Variants in TP73 observed in about 807,000 individuals in gnomAD.
TP73 encodes tumor protein p73.
Under a neutral mutation model 62.5 loss-of-function variants are expected in TP73, and 25 were observed. That is an observed-to-expected ratio of 0.40 (90% CI 0.29 to 0.56). The LOEUF is 0.56. Among genes scored for constraint, TP73 ranks in the 20% least tolerant of loss-of-function variants. The pLI, the probability that TP73 is intolerant of heterozygous loss-of-function variation, is 0.46. For missense variants in TP73, 754 were observed against 913.3 expected (o/e 0.83, Z 2.25); for synonymous variants, 423 against 377.5 (o/e 1.12, Z -1.40).
At position 3,730,957 on chromosome 1, in the gene TP73, C is replaced by T. The variant is rs1431406542; in HGVS notation, c.1376C>T (p.Ala459Val). 6.2e-7 allele frequency: 1 copy of T among 1,610,874 alleles called. No homozygotes were observed. The highest frequency in any genetic ancestry group is 8.5e-7 in the Non-Finnish European group (1 of 1,179,280). The part of the protein sequence containing the change: ...GPGMLNNHGH[A>V]VPANGEMSSS... ...GGGATGCTCAACAACCATGGCCACG[C>T]AGTGCCAGCCAACGGCGAGATGAGC... Residue 459 changes from alanine to valine, a missense_variant, in exon 12 of 14, where the codon GCA becomes GTA. Ala to Val is a moderately conservative substitution (Grantham distance 64). Coordinates refer to ENST00000378295, the MANE Select transcript of TP73 (RefSeq NM_005427.4).
At chr1:3,689,030 G>A (rs1268567581) in intron 3 of TP73, among the ~76,000 whole-genome samples, 1 of 152,150 alleles carries the variant, frequency 6.6e-6, no homozygotes, top group African/African-American at 2.4e-5. Flanking sequence ...GTGGGGGTCG[G>A]GAGCGGAACC....
At chr1:3,676,528 G>A (rs1034079939) in intron 1 of TP73, among the ~76,000 whole-genome samples, 1 of 151,864 alleles carries the variant, frequency 6.6e-6, no homozygotes, top group Non-Finnish European at 1.5e-5. Flanking sequence ...GCTTTCGTGG[G>A]AAGCTATGGA....
chr1:3,719,497 T>C lies in TP73; in HGVS notation c.430-2524T>C, dbSNP rs574075532. Among the ~76,000 whole-genome samples the C allele has an allele frequency of 9.2e-5, 14 of 152,192 alleles. No homozygotes were observed. The South Asian group carries it at 2.7e-3, about 29-fold the overall frequency. On this transcript the variant is annotated intron_variant, in intron 4 of 13. Transcript: ENST00000378295. ...AACCAGCACAGATGGAGACCAGGCGTGGTGTGTAGCTTCAGGCAGGGCCTT... is the reference window on the plus strand; with the variant it reads ...AACCAGCACAGATGGAGACCAGGCGCGGTGTGTAGCTTCAGGCAGGGCCTT...
At position 3,723,406 on chromosome 1, in the gene TP73, G is replaced by T. The variant is rs200468145; in HGVS notation, c.669G>T (p.Ser223=). 1 of 1,612,564 alleles carries T rather than the reference G, an allele frequency of 6.2e-7. No individual in the cohort carries two copies. Among genetic ancestry groups the T allele is most frequent in the South Asian group, 1.1e-5 (1 of 91,076 alleles). ...TCCGCGTGGAAGGCAATAATCTCTC[G>T]CAGTATGTGGATGACCCTGTCACCG... The part of the protein sequence containing the change: ...HLIRVEGNNL[S]QYVDDPVTGR... Residue 223 remains serine (S), a synonymous_variant, in exon 6 of 14, where the codon TCG becomes TCT. Transcript: ENST00000378295.
chr1:3,661,573 G>A (rs1250982820), intron 1 of TP73, among the ~76,000 whole-genome samples: 3 of 151,644 alleles, frequency 2.0e-5, no homozygotes, highest in African/African-American at 7.3e-5. Context: ...GCCAGGCATG[G>A]TGGCACATGC....
At chr1:3,671,392 G>A (rs558558751) in intron 1 of TP73, among the ~76,000 whole-genome samples, 69 of 152,340 alleles carry the variant, frequency 4.5e-4, no homozygotes, top group African/African-American at 1.3e-3. Context: ...CCCCTTGGCC[G>A]AGCTCCACCA....
Position 3,699,987 on chromosome 1 carries a change from G to A in TP73, c.187-7562G>A, listed in dbSNP as rs1030524478. Among the ~76,000 whole-genome samples, 4 of 152,226 alleles carry A rather than the reference G, an allele frequency of 2.6e-5. No homozygotes were observed. The highest frequency in any genetic ancestry group is 9.6e-5 in the African/African-American group (4 of 41,564). On this transcript the variant is annotated intron_variant, in intron 3 of 13. Coordinates refer to ENST00000378295, the MANE Select transcript of TP73 (RefSeq NM_005427.4). The surrounding 1 kb of genome is among the most constrained non-coding windows in gnomAD (Gnocchi z 4.1). Reference sequence around the variant, plus strand: ...TCCGCCAAGCCCAGGGCCCCAGGAAGCGGCCCCATCCTTGGGAGCTGTCCT... The same window carrying A: ...TCCGCCAAGCCCAGGGCCCCAGGAAACGGCCCCATCCTTGGGAGCTGTCCT...
At chr1:3,652,939 C>T (rs1188489185) in intron 1 of TP73, among the ~76,000 whole-genome samples, 2 of 152,304 alleles carry the variant, frequency 1.3e-5, no homozygotes, top group South Asian at 2.1e-4. Context: ...GGAGGGCCCT[C>T]CTCCTGCTGT....
chr1:3,656,154 G>A (rs1404782273), intron 1 of TP73, among the ~76,000 whole-genome samples: 8 of 148,236 alleles, frequency 5.4e-5, no homozygotes, highest in East Asian at 2.0e-4. Context: ...CAGCCTGGGC[G>A]ACAGAGCGAG....
intron 4 of TP73, among the ~76,000 whole-genome samples, chr1:3,719,391 C>T (rs941573553): frequency 6.6e-6 from 1 of 152,226 alleles, no homozygotes; most frequent in Non-Finnish European, 1.5e-5. Flanking sequence ...ACACGGCTGC[C>T]GGCCCTGTGT....
chr1:3,711,903 G>A (rs1640184153), intron 4 of TP73, among the ~76,000 whole-genome samples: 1 of 151,878 alleles, frequency 6.6e-6, no homozygotes. Context: ...TCTTAGGGGA[G>A]AGCTGGCTCC....
At position 3,664,720 on chromosome 1, in the gene TP73, T is replaced by C. The variant is rs186054920; in HGVS notation, c.-34+12079T>C. The stretch of plus-strand genomic sequence containing the variant: ...TGGGTCATTCCTGACTGTGAGATGG[T>C]TGGGGGGCAGGGGTTGTAGAGTCTG... On this transcript the variant is annotated intron_variant, in intron 1 of 13. Coordinates refer to ENST00000378295, the MANE Select transcript of TP73 (RefSeq NM_005427.4). 1.9e-3 allele frequency among the ~76,000 whole-genome samples: 291 copies of C among 152,228 alleles called. 1 individual carries two copies. The highest frequency in any genetic ancestry group is 5.8e-3 in the African/African-American group (240 of 41,528).
rs554517320 is a variant in TP73, at chr1:3,671,793, C to T, written c.-33-10540C>T. Among the ~76,000 whole-genome samples, 41 of 152,294 alleles carry T rather than the reference C, an allele frequency of 2.7e-4. No individual in the cohort carries two copies. In the South Asian group the frequency reaches 3.7e-3, roughly 14 times the overall value. On this transcript the variant is annotated intron_variant, in intron 1 of 13. Transcript: ENST00000378295. ...TCAGAAAGGCAACCCTGAGAGCCAG[C>T]GGACAGCCACTCTGAGGAACAGCAG...
chr1:3,682,745 G>A (rs1352055319), intron 2 of TP73, among the ~76,000 whole-genome samples: 1 of 152,196 alleles, frequency 6.6e-6, no homozygotes, highest in Non-Finnish European at 1.5e-5. Flanking sequence ...CAGGGAAGAG[G>A]GACTGCTGCC....
chr1:3,720,677 C>G (rs773727000), intron 4 of TP73, among the ~76,000 whole-genome samples: 2 of 152,216 alleles, frequency 1.3e-5, no homozygotes, highest in African/African-American at 2.4e-5. Context: ...TTCCTTTTTC[C>G]TTCCTGGCTT....
At chr1:3,685,700 C>T (rs1245209759) in intron 3 of TP73, among the ~76,000 whole-genome samples, 2 of 152,192 alleles carry the variant, frequency 1.3e-5, no homozygotes, top group Non-Finnish European at 2.9e-5. Context: ...TGAGAATGGC[C>T]CCTGGCCCGC....
chr1:3,694,439 A>C (rs67571009), intron 3 of TP73, among the ~76,000 whole-genome samples: 28 of 296 alleles, frequency 0.095, 1 homozygote, highest in Admixed American at 0.12. Context: ...AATCCCAGCC[A>C]TGCAGCCTCA....
In TP73 at chr1:3,707,583, A is replaced by C. The variant is rs949622074; in HGVS notation, c.221A>C (p.Gln74Pro). 2.5e-6 allele frequency: 4 copies of C among 1,612,224 alleles called. No homozygotes were observed. Among genetic ancestry groups the C allele is most frequent in the Non-Finnish European group, 3.4e-6 (4 of 1,179,676 alleles). Residue 74 changes from glutamine (Q) to proline (P), a missense_variant, in exon 4 of 14, where the codon CAG (glutamine) becomes CCG (proline). This residue lies in a region of TP73 where 235 missense variants were observed against 251.4 expected (regional missense o/e 0.93). Transcript: ENST00000378295. ...AATCTGCTGAGCAGCACCATGGACC[A>C]GATGAGCAGCCGCGCGGCCTCGGCC... is the stretch of plus-strand genomic sequence containing the variant. Reference protein sequence around the residue: ...QFNLLSSTMDQMSSRAASASP... With the variant: ...QFNLLSSTMDPMSSRAASASP...
chr1:3,657,267 C>T (rs1397518831), intron 1 of TP73, among the ~76,000 whole-genome samples: 2 of 152,182 alleles, frequency 1.3e-5, no homozygotes, highest in East Asian at 1.9e-4. Context: ...TCCTGTCTCC[C>T]TCCTAGGATC....
Sources: allele counts gnomAD v4.1 joint callset (sites outside exome capture counted in the v4.1 genomes callset), GRCh38; gene constraint gnomAD v4.1.1; regional missense constraint gnomAD v4.1.1; non-coding constraint Gnocchi (gnomAD v3.1); transcripts MANE v1.5; gene names NCBI Gene and HGNC (gene_info 2026-07-23, HGNC 2026-07-21).